Variants in PGM2 observed in about 807,000 individuals in gnomAD.
PGM2 encodes the protein phosphopentomutase.
Under a neutral mutation model 74.6 loss-of-function variants are expected in PGM2, and 57 were observed. That is an observed-to-expected ratio of 0.76 (90% CI 0.62 to 0.95). PGM2 has a LOEUF of 0.95. PGM2 is among the 40% of genes least tolerant of loss of function. The pLI is 0.00. For synonymous variants in PGM2, 273 were observed against 260.7 expected (o/e 1.05, Z -0.46); for missense variants, 706 against 741.9 (o/e 0.95, Z 0.56).
In PGM2 at chr4:37,840,018, T is replaced by A. The variant is rs1274147593; in HGVS notation, c.526-48T>A. On this transcript the variant is annotated intron_variant, in intron 5 of 13. Transcript: ENST00000381967. ...TTGGGACCATAGGTAATAGGTGCCT[T>A]ATTTCCATTAACTGTAAACCTTCTG... is the stretch of plus-strand genomic sequence containing the variant. 6 of 1,551,986 alleles carry A rather than the reference T, an allele frequency of 3.9e-6. No individual in the cohort carries two copies. In the South Asian group the frequency reaches 5.6e-5, roughly 14 times the overall value.
At chr4:37,829,435 G>T (rs201015810) in intron 1 of PGM2, among the ~76,000 whole-genome samples, 11,145 of 152,176 alleles carry the variant, frequency 0.073, 738 homozygotes, top group African/African-American at 0.16. Flanking sequence ...CATTACAAAA[G>T]TAAGGTTTTG....
intron 6 of PGM2, among the ~76,000 whole-genome samples, chr4:37,841,190 T>TGTGTGTGTGTGTGCGTGCGTG (rs1491511171): frequency 2.4e-5 from 2 of 83,420 alleles, no homozygotes; most frequent in African/African-American, 7.8e-5. Flanking sequence ...GTGTGTGTGG[T>TGTGTGTGTGTGTGCGTGCGTG]TTGTTCTGTG....
intron 10 of PGM2, chr4:37,847,591 C>A: frequency 2.8e-6 from 1 of 360,906 alleles, no homozygotes; most frequent in Non-Finnish European, 5.3e-6. Flanking sequence ...GTTTCCTCCA[C>A]TGTGGTGGTT....
chr4:37,856,484 G>A (rs570394134), intron 13 of PGM2, among the ~76,000 whole-genome samples: 145 of 152,210 alleles, frequency 9.5e-4, no homozygotes, highest in African/African-American at 3.3e-3. Flanking sequence ...GGTTCTGGAG[G>A]GGGCACAGAG....
chr4:37,859,722 C>A (rs113539173), intron 13 of PGM2, among the ~76,000 whole-genome samples: 3 of 106,520 alleles, frequency 2.8e-5, no homozygotes, highest in South Asian at 5.2e-4. Context: ...CTGTTTTCTC[C>A]CCAATTTATA....
At chr4:37,840,850 G>A (rs970362893) in intron 6 of PGM2, among the ~76,000 whole-genome samples, 1 of 152,066 alleles carries the variant, frequency 6.6e-6, no homozygotes, top group Non-Finnish European at 1.5e-5. Context: ...CGGCGAAGGA[G>A]TGCAGACAGA....
intron 12 of PGM2, among the ~76,000 whole-genome samples, chr4:37,852,669 C>A (rs997126179): frequency 2.6e-5 from 4 of 152,174 alleles, no homozygotes; most frequent in African/African-American, 9.7e-5. Flanking sequence ...TCCAATCCTT[C>A]CTTTTTCAGC....
chr4:37,846,363 C>G (rs1367430459), intron 8 of PGM2, among the ~76,000 whole-genome samples: 1 of 152,142 alleles, frequency 6.6e-6, no homozygotes, highest in Non-Finnish European at 1.5e-5. Context: ...AGGTTCCATT[C>G]TATATCAGTG....
At chr4:37,849,435 C>T (rs575434020) in intron 11 of PGM2, among the ~76,000 whole-genome samples, 3 of 90,496 alleles carry the variant, frequency 3.3e-5, no homozygotes, top group Non-Finnish European at 4.1e-5. Flanking sequence ...TTTTTTGAGA[C>T]GGGGTCTTGC....
chr4:37,850,272 G>T lies in PGM2; in HGVS notation c.1501G>T (p.Asp501Tyr). ...KKLFENLRNY[D>Y]GKNNYPKACG... ...ATTATTTGAAAACCTCAGAAACTAC[G>T]ATGGAAAAAATAATTATCCAAAAGC... Residue 501 changes from aspartate (D) to tyrosine (Y), a missense_variant, in exon 12 of 14, where the codon GAT becomes TAT. Physicochemically the swap from Asp to Tyr is radical, Grantham distance 160. Transcript: ENST00000381967. The T allele has an allele frequency of 6.3e-7, 1 of 1,585,726 alleles. No homozygotes were observed. The highest frequency in any genetic ancestry group is 8.5e-7 in the Non-Finnish European group (1 of 1,169,796).
In PGM2 at chr4:37,834,733, A is replaced by G. The variant is rs760167331; in HGVS notation, c.356+9A>G. 6 of 1,257,446 alleles carry G rather than the reference A, an allele frequency of 4.8e-6. No homozygotes were observed. Among genetic ancestry groups the G allele is most frequent in the Middle Eastern group, 1.9e-4 (1 of 5,318 alleles). The allele number at this position is 1,257,446 out of a possible 1,614,324, so 77.9% of individuals were successfully genotyped here. A position where few individuals can be genotyped will look rare whatever the true frequency, so the allele number is the denominator to read the frequency against. ...GGGGGTAGCAGCAGAAGGTATTTAAACATTTTTACAAAATGATGTTTTTAT... is the reference window on the plus strand; with the variant it reads ...GGGGGTAGCAGCAGAAGGTATTTAAGCATTTTTACAAAATGATGTTTTTAT... On this transcript the variant is annotated intron_variant, in intron 3 of 13. Coordinates refer to ENST00000381967, the MANE Select transcript of PGM2 (RefSeq NM_018290.4).
rs767003844 is a variant in PGM2, at chr4:37,850,358, AC to A, written c.1589del (p.Pro530LeufsTer15). ...TTACAACTGGCTATGATGATAGCCAACCTGATAAAAAAGCTGTAAGTAATGT... is the reference window on the plus strand; with the variant it reads ...TTACAACTGGCTATGATGATAGCCAACTGATAAAAAAGCTGTAAGTAATGT... ...DLTTGYDDSQ[P>X]DKKAVLPTSK... On this transcript the variant is annotated frameshift_variant, in exon 12 of 14. Coordinates refer to ENST00000381967, the MANE Select transcript of PGM2 (RefSeq NM_018290.4). LOFTEE classifies it high-confidence loss of function. 6.5e-7 allele frequency: 1 copy of A among 1,532,884 alleles called. No homozygotes were observed. Among genetic ancestry groups the A allele is most frequent in the Non-Finnish European group, 8.7e-7 (1 of 1,145,974 alleles). 95.0% of individuals were successfully genotyped at this position (1,532,884 alleles called of 1,614,324 possible). A position where few individuals can be genotyped will look rare whatever the true frequency, so the allele number is the denominator to read the frequency against.
chr4:37,837,380 T>C, intron 3 of PGM2, 149 bp from the exon 4 acceptor site: 1 of 666,738 alleles, frequency 1.5e-6, no homozygotes, highest in Non-Finnish European at 2.7e-6. Flanking sequence ...TACTGTCCCA[T>C]GCCAGGGTAA....
At chr4:37,839,553 C>T in intron 4 of PGM2, 1 of 537,016 alleles carries the variant, frequency 1.9e-6, no homozygotes, top group Non-Finnish European at 3.6e-6. Context: ...GAGGCTTAGA[C>T]CATCGTTGTG....
chr4:37,842,025 T>C (rs1725743738), intron 6 of PGM2, among the ~76,000 whole-genome samples: 2 of 152,196 alleles, frequency 1.3e-5, no homozygotes, highest in Admixed American at 1.3e-4. Context: ...TCCTGCTCTG[T>C]GATCCAATTT....
Position 37,827,489 on chromosome 4 carries a change from C to G in PGM2, c.81+676C>G, listed in dbSNP as rs556137412. Among the ~76,000 whole-genome samples the G allele has an allele frequency of 1.4e-4, 22 of 152,128 alleles. 1 individual carries two copies. In the South Asian group the frequency reaches 4.6e-3, roughly 32 times the overall value. ...TTGCGTCTCGCCCTTTCGACCTGTT[C>G]TGCTTGCTGTTAGGTTTTCTCGGAA... On this transcript the variant is annotated intron_variant, in intron 1 of 13. Coordinates refer to ENST00000381967, the MANE Select transcript of PGM2 (RefSeq NM_018290.4).
intron 4 of PGM2, 48 bp downstream of exon 4, chr4:37,837,661 G>A: frequency 8.4e-7 from 1 of 1,186,620 alleles, no homozygotes; most frequent in Non-Finnish European, 1.3e-6. Flanking sequence ...GATCAGGGAT[G>A]GGACTTGGCT....
At chr4:37,844,628 T>G (rs1725817474) in intron 7 of PGM2, 75 bp downstream of exon 7, 1 of 938,218 alleles carries the variant, frequency 1.1e-6, no homozygotes, top group Non-Finnish European at 1.7e-6. Context: ...AAATACATTT[T>G]TATGTGTTTT....
intron 13 of PGM2, among the ~76,000 whole-genome samples, chr4:37,858,488 C>A (rs1711632867): frequency 6.6e-6 from 1 of 150,406 alleles, no homozygotes; most frequent in Non-Finnish European, 1.5e-5. Flanking sequence ...AGATATGCAC[C>A]ACCACACCCA....
Sources: allele counts gnomAD v4.1 joint callset (sites outside exome capture counted in the v4.1 genomes callset), GRCh38; gene constraint gnomAD v4.1.1; transcripts MANE v1.5; gene names NCBI Gene and HGNC (gene_info 2026-07-23, HGNC 2026-07-21).